The following NUP37 variants were observed in gnomAD, a reference collection of about 807,000 sequenced individuals.
NUP37 encodes nucleoporin 37.
Under a neutral mutation model 45.4 loss-of-function variants are expected in NUP37, and 33 were observed. The ratio of observed to expected loss-of-function variants is 0.73; its 90% CI spans 0.55 to 0.97. The LOEUF (loss-of-function observed/expected upper bound fraction) is 0.97. Among genes scored for constraint, NUP37 ranks in the 50% least tolerant of loss-of-function variants. The pLI is 0.00. For synonymous variants in NUP37, 127 were observed against 130.7 expected, an observed-to-expected ratio of 0.97 and a Z score of 0.19; for missense variants, 365 against 389.7, an observed-to-expected ratio of 0.94 and a Z score of 0.53.
chr12:102,085,292 T>C (rs1002174730), intron 6 of NUP37, among the ~76,000 whole-genome samples: 28 of 151,846 alleles, frequency 1.8e-4, no homozygotes, highest in Non-Finnish European at 3.8e-4. Flanking sequence ...TGTGGTGGCA[T>C]GTGCCTATAG....
chr12:102,080,658 C>A (rs928139027), intron 6 of NUP37, among the ~76,000 whole-genome samples: 1 of 152,124 alleles, frequency 6.6e-6, no homozygotes, highest in Non-Finnish European at 1.5e-5. Context: ...AAGTGATTCA[C>A]GTAACTTGTA....
chr12:102,085,393 A>G (rs1594386770), intron 6 of NUP37, among the ~76,000 whole-genome samples: 1 of 152,048 alleles, frequency 6.6e-6, no homozygotes, highest in Non-Finnish European at 1.5e-5. Context: ...CTGCACTCCA[A>G]CCTGGGTGAC....
intron 5 of NUP37, among the ~76,000 whole-genome samples, chr12:102,094,966 G>A (rs958320336): frequency 2.6e-5 from 4 of 151,978 alleles, no homozygotes. Context: ...TGAGGAGGAG[G>A]GATGGGATTT....
At chr12:102,108,627 G>C (rs1011585216) in intron 3 of NUP37, among the ~76,000 whole-genome samples, 1 of 152,104 alleles carries the variant, frequency 6.6e-6, no homozygotes, top group Non-Finnish European at 1.5e-5. Context: ...GTTTAAACAC[G>C]TATGTTATAT....
chr12:102,095,909 A>G (rs1174390723), intron 5 of NUP37, among the ~76,000 whole-genome samples: 2 of 152,052 alleles, frequency 1.3e-5, no homozygotes, highest in African/African-American at 4.8e-5. Flanking sequence ...ACAACTCATA[A>G]ATCTCTACAA....
chr12:102,093,952 G>A (rs1042145795), intron 5 of NUP37, among the ~76,000 whole-genome samples: 2 of 152,038 alleles, frequency 1.3e-5, no homozygotes, highest in African/African-American at 4.8e-5. Flanking sequence ...ACTAGAGAGT[G>A]ATTTTACCAG....
chr12:102,112,039 C>A, intron 3 of NUP37, 69 bp downstream of exon 3: 2 of 1,413,788 alleles, frequency 1.4e-6, no homozygotes, highest in South Asian at 2.6e-5. Flanking sequence ...TATCTATGAT[C>A]AGACTTCCAA....
rs1879088400 is a variant in NUP37 at position 102,073,550 on chromosome 12, TAATA to T, written c.*800_*803del. 1 of 152,230 alleles carries T rather than the reference TAATA, an allele frequency of 6.6e-6. No individual in the cohort carries two copies. The highest frequency in any genetic ancestry group is 6.5e-5 in the Admixed American group (1 of 15,280). 9.4% of individuals were successfully genotyped at this position (152,230 alleles called of 1,614,324 possible). On this transcript the variant is annotated 3_prime_UTR_variant, in exon 10 of 10. Coordinates refer to ENST00000552283, the MANE Select transcript of NUP37 (RefSeq NM_024057.4). ...CACCTCGTCCAAAGGAATCTGCGTATAATAAACAGGGTTGAGCAATATAATCAAT... is the reference window on the plus strand; with the variant it reads ...CACCTCGTCCAAAGGAATCTGCGTATAACAGGGTTGAGCAATATAATCAAT...
At chr12:102,076,751 A>G (rs780828979) in intron 8 of NUP37, 46 bp downstream of exon 8, 1 of 1,547,358 alleles carries the variant, frequency 6.5e-7, no homozygotes, top group Admixed American at 1.7e-5. Flanking sequence ...GTGGCACAGC[A>G]ACGTCAAAAG....
chr12:102,095,119 C>G lies in NUP37; in HGVS notation c.449+3987G>C, dbSNP rs955666868. Among the ~76,000 whole-genome samples the G allele has an allele frequency of 3.9e-5, 6 of 152,118 alleles. No individual in the cohort carries two copies. The East Asian group carries it at 1.2e-3, about 29-fold the overall frequency. ...TTGTTCTTACAGAATGGTACTGTTT[C>G]TAATATACAAGAACATCTGTTATTT... On this transcript the variant is annotated intron_variant, in intron 5 of 9. Coordinates refer to ENST00000552283, the MANE Select transcript of NUP37 (RefSeq NM_024057.4).
chr12:102,077,047 A>G (rs933114215), intron 7 of NUP37, 200 bp from the exon 8 acceptor site: 5 of 609,030 alleles, frequency 8.2e-6, no homozygotes, highest in Non-Finnish European at 1.4e-5. Context: ...ACCATCATGC[A>G]ACAGGGTCAG....
At chr12:102,094,450 T>C (rs1565832557) in intron 5 of NUP37, among the ~76,000 whole-genome samples, 1 of 152,070 alleles carries the variant, frequency 6.6e-6, no homozygotes. Flanking sequence ...CTTTTTGCTG[T>C]TTCCCACAAG....
intron 6 of NUP37, among the ~76,000 whole-genome samples, chr12:102,081,662 G>A (rs2136715913): frequency 6.6e-6 from 1 of 152,164 alleles, no homozygotes; most frequent in Admixed American, 6.5e-5. Flanking sequence ...ACAGTCCCTG[G>A]AAAATAGAAA....
At chr12:102,076,979 G>T in intron 7 of NUP37, 132 bp from the exon 8 acceptor site, 2 of 679,040 alleles carry the variant, frequency 2.9e-6, no homozygotes, top group Non-Finnish European at 5.0e-6. Flanking sequence ...TCCTAAACAA[G>T]CAATCAGTTA....
intron 5 of NUP37, among the ~76,000 whole-genome samples, chr12:102,089,202 C>T (rs1594388710): frequency 2.0e-5 from 3 of 152,072 alleles, no homozygotes; most frequent in South Asian, 2.1e-4. Context: ...CATCATGGCC[C>T]GTTCTCGATG....
At chr12:102,118,655 G>A (rs1880566842) in intron 1 of NUP37, 72 bp from the exon 2 acceptor site, 2 of 700,046 alleles carry the variant, frequency 2.9e-6, no homozygotes, top group East Asian at 2.8e-5. Flanking sequence ...TCAAAATAAG[G>A]TTGTGGTGTT....
intron 6 of NUP37, among the ~76,000 whole-genome samples, chr12:102,080,224 G>A (rs1879294474): frequency 6.6e-6 from 1 of 152,154 alleles, no homozygotes; most frequent in Non-Finnish European, 1.5e-5. Context: ...ATGTTTGTTT[G>A]GAATTACAGT....
At position 102,089,734 on chromosome 12, in the gene NUP37, C is replaced by T. The variant is rs113894791; in HGVS notation, c.450-3878G>A. Among the ~76,000 whole-genome samples the T allele has an allele frequency of 1.4e-4, 21 of 152,128 alleles. 1 individual carries two copies. The highest frequency in any genetic ancestry group is 1.2e-3 in the East Asian group (6 of 5,158). On this transcript the variant is annotated intron_variant, in intron 5 of 9. Transcript: ENST00000552283. ...CCCAGACGAGGCGGCCGGGCAGAGGCGCTCCTCACTTCCCAGAGGAGGTGG... is the reference window on the plus strand; with the variant it reads ...CCCAGACGAGGCGGCCGGGCAGAGGTGCTCCTCACTTCCCAGAGGAGGTGG...
At chr12:102,097,440 G>C (rs536982544) in intron 5 of NUP37, among the ~76,000 whole-genome samples, 1 of 150,208 alleles carries the variant, frequency 6.7e-6, no homozygotes, top group African/African-American at 2.4e-5. Flanking sequence ...CAAAATGATA[G>C]TGGTAGAAGG....
Sources: gnomAD v4.1 joint callset for allele counts (sites outside exome capture counted in the v4.1 genomes callset) on GRCh38, gnomAD v4.1.1 for gene constraint, MANE v1.5 for transcripts, NCBI Gene and HGNC (gene_info 2026-07-23, HGNC 2026-07-21) for gene names.